The following FREM2 variants were observed in gnomAD, a reference collection of about 807,000 sequenced individuals.
FREM2 encodes the protein FRAS1-related extracellular matrix protein 2.
A neutral mutation model predicts 219.9 loss-of-function variants in FREM2; 119 were observed. The ratio of observed to expected loss-of-function variants is 0.54; its 90% CI spans 0.47 to 0.63. The LOEUF (loss-of-function observed/expected upper bound fraction) is 0.63. Among genes scored for constraint, FREM2 ranks in the 30% least tolerant of loss-of-function variants. FREM2 has a pLI of 0.00. For synonymous variants in FREM2, 1,562 were observed against 1,522.8 expected (o/e 1.03, Z -0.60); for missense variants, 4,030 against 3,993.6 (o/e 1.01, Z -0.25).
At chr13:38,864,103 A>G (rs1241758238) in intron 15 of FREM2, among the ~76,000 whole-genome samples, 172 bp from the exon 16 acceptor site, 1 of 152,034 alleles carries the variant, frequency 6.6e-6, no homozygotes, top group Non-Finnish European at 1.5e-5. Flanking sequence ...TGCCGGGATT[A>G]CAGGCATGAG....
rs1464386844 is a variant in FREM2, at chr13:38,687,511, T to C, written c.167T>C (p.Leu56Pro). Residue 56 changes from leucine (L) to proline (P), a missense_variant, in exon 1 of 24, where the codon CTG becomes CCG. By Grantham distance (98) the Leu-to-Pro change is moderately conservative (BLOSUM62 -3). Transcript: ENST00000280481. ...AQPAAFGRAL[L>P]SPGLAGAAGV... ...CCCGCTGCCTTCGGCAGGGCGTTGC[T>C]GTCCCCTGGTCTCGCGGGGGCTGCA... The C allele has an allele frequency of 1.3e-6, 2 of 1,597,584 alleles. No homozygotes were observed. Among genetic ancestry groups the C allele is most frequent in the Non-Finnish European group, 1.7e-6 (2 of 1,172,632 alleles).
chr13:38,836,427 A>C (rs1258442686), intron 6 of FREM2, among the ~76,000 whole-genome samples: 1 of 152,064 alleles, frequency 6.6e-6, no homozygotes, highest in Non-Finnish European at 1.5e-5. Context: ...TGTCTCTGGC[A>C]GGTTTTGGTA....
chr13:38,854,281 T>A (rs956463991), intron 11 of FREM2, among the ~76,000 whole-genome samples: 3 of 151,980 alleles, frequency 2.0e-5, no homozygotes, highest in Non-Finnish European at 4.4e-5. Flanking sequence ...AAATAAATAT[T>A]TAATTTTTTA....
chr13:38,862,218 G>C (rs914144682), intron 15 of FREM2, among the ~76,000 whole-genome samples: 16 of 152,196 alleles, frequency 1.1e-4, no homozygotes, highest in African/African-American at 3.6e-4. Flanking sequence ...AGCTAAGGGA[G>C]AGGAAATACG....
intron 6 of FREM2, among the ~76,000 whole-genome samples, chr13:38,842,214 A>G (rs928980313): frequency 6.6e-5 from 10 of 152,212 alleles, no homozygotes; most frequent in African/African-American, 2.4e-4. Flanking sequence ...CTTGTAAACC[A>G]TGTTAAGTAG....
chr13:38,848,488 G>T lies in FREM2; in HGVS notation c.6197G>T (p.Arg2066Leu). ...GGAACAGACTATGTGGGCATCAGCC[G>T]TAATTTAGATTTTGCACCTGGAGTC... ...DAGTDYVGISRNLDFAPGVNM... is the reference protein window; with the variant it reads ...DAGTDYVGISLNLDFAPGVNM... Residue 2066 changes from arginine to leucine, a missense_variant, in exon 8 of 24, where the codon CGT (arginine) becomes CTT (leucine). Arg to Leu is a moderately radical substitution (Grantham distance 102). Around this residue, in one of 2 missense-constraint regions of FREM2, gnomAD observed 3,102 missense variants for 2,950.7 expected, o/e 1.05. Transcript: ENST00000280481. The T allele has an allele frequency of 6.2e-7, 1 of 1,613,824 alleles. No homozygotes were observed.
At chr13:38,845,702 A>T (rs983764429) in intron 6 of FREM2, among the ~76,000 whole-genome samples, 1 of 152,196 alleles carries the variant, frequency 6.6e-6, no homozygotes, top group Non-Finnish European at 1.5e-5. Context: ...TAAGATCACA[A>T]ATTAAATCTC....
At chr13:38,751,685 A>G (rs912552992) in intron 2 of FREM2, among the ~76,000 whole-genome samples, 1 of 152,198 alleles carries the variant, frequency 6.6e-6, no homozygotes, top group African/African-American at 2.4e-5. Flanking sequence ...TCCTTACTAG[A>G]GTCTACATTT....
At chr13:38,692,565 T>C (rs1045806953) in intron 1 of FREM2, 48 bp downstream of exon 1, 5 of 1,591,428 alleles carry the variant, frequency 3.1e-6, no homozygotes, top group Non-Finnish European at 4.3e-6. Context: ...CCTGAGAATG[T>C]GGCTTCACTA....
intron 3 of FREM2, among the ~76,000 whole-genome samples, chr13:38,768,923 CA>C (rs760271461): frequency 5.9e-5 from 9 of 152,142 alleles, no homozygotes; most frequent in Non-Finnish European, 1.2e-4. Context: ...GCATACTGCT[CA>C]TAATAACCAT....
At position 38,806,031 on chromosome 13, in the gene FREM2, G is replaced by A. The variant is rs569633685; in HGVS notation, c.6019+21223G>A. On this transcript the variant is annotated intron_variant, in intron 6 of 23. Transcript: ENST00000280481. Reference sequence around the variant, plus strand: ...TTTTTTTTTTGTAATAGTTTCCGGAGAAAGGTTGCAAAATTACAGGATTCA... The same window carrying A: ...TTTTTTTTTTGTAATAGTTTCCGGAAAAAGGTTGCAAAATTACAGGATTCA... Among the ~76,000 whole-genome samples the A allele has an allele frequency of 4.7e-5, 7 of 150,188 alleles. 2 individuals are homozygous for A. The East Asian group carries it at 1.4e-3, about 30-fold the overall frequency.
intron 6 of FREM2, among the ~76,000 whole-genome samples, chr13:38,800,968 C>T (rs971937733): frequency 6.6e-6 from 1 of 152,162 alleles, no homozygotes; most frequent in South Asian, 2.1e-4. Context: ...CTCTCTTTTC[C>T]TGCAGAGACA....
rs984032982 is a variant in FREM2, at chr13:38,858,462, A to G, written c.7215+429A>G. ...TGGTCAGGTGGAATTTTGACTCTTT[A>G]GGATGCAAGTCTGATAAGGGAAGGT... On this transcript the variant is annotated intron_variant, in intron 13 of 23. Coordinates refer to ENST00000280481, the MANE Select transcript of FREM2 (RefSeq NM_207361.6). 5.9e-5 allele frequency among the ~76,000 whole-genome samples: 9 copies of G among 152,326 alleles called. No homozygotes were observed. In the East Asian group the frequency reaches 7.7e-4, roughly 13 times the overall value.
rs748692884 is a variant in FREM2, at chr13:38,872,876, C to T, written c.8118C>T (p.Tyr2706=). The change falls in exon 17 of 24, where the codon TAC becomes TAT. Residue 2706 remains tyrosine, a synonymous_variant. Coordinates refer to ENST00000280481, the MANE Select transcript of FREM2 (RefSeq NM_207361.6). ...CAGAGCTTCGTCTAACTTTTGTGTA[C>T]GACACCGCCATCTTGTGGAATGATG... ...LKSELRLTFV[Y]DTAILWNDGI... 22 of 1,613,862 alleles carry T rather than the reference C, an allele frequency of 1.4e-5. No homozygotes were observed. The highest frequency in any genetic ancestry group is 7.7e-5 in the South Asian group (7 of 91,084).
chr13:38,691,719 A>G lies in FREM2; in HGVS notation c.4375A>G (p.Thr1459Ala). The G allele has an allele frequency of 6.2e-7, 1 of 1,613,640 alleles. No individual in the cohort carries two copies. The highest frequency in any genetic ancestry group is 1.3e-5 in the African/African-American group (1 of 75,034). ...CAGTCCTGATGAAAACTTGGTTTTT[A>G]CCATCACCAGGGCTCCCATGCGAGG... is the stretch of plus-strand genomic sequence containing the variant. ...LNSPDENLVF[T>A]ITRAPMRGHL... The change falls in exon 1 of 24, where the codon ACC becomes GCC. Residue 1459 changes from threonine (T) to alanine (A), a missense_variant. Coordinates refer to ENST00000280481, the MANE Select transcript of FREM2 (RefSeq NM_207361.6).
intron 18 of FREM2, 71 bp from the exon 19 acceptor site, chr13:38,875,951 A>G: frequency 7.3e-7 from 1 of 1,366,324 alleles, no homozygotes; most frequent in Non-Finnish European, 1.0e-6. Context: ...TTATTTTGAA[A>G]ACTCTAAACT....
At chr13:38,729,113 C>G (rs1301742564) in intron 2 of FREM2, among the ~76,000 whole-genome samples, 3 of 152,172 alleles carry the variant, frequency 2.0e-5, no homozygotes, top group Non-Finnish European at 4.4e-5. Context: ...CTTAGAGAGT[C>G]ACAGTAGTCA....
intron 6 of FREM2, among the ~76,000 whole-genome samples, chr13:38,818,408 A>G (rs371660259): frequency 1.3e-5 from 2 of 152,260 alleles, no homozygotes; most frequent in East Asian, 1.9e-4. Flanking sequence ...GGAGGACACC[A>G]TGTTAAGTGA....
intron 2 of FREM2, among the ~76,000 whole-genome samples, chr13:38,718,683 AAG>A (rs143654668): frequency 0.049 from 7,400 of 152,240 alleles, 572 homozygotes; most frequent in African/African-American, 0.17. Flanking sequence ...CTAATATTTT[AAG>A]AGATTATTCT....
Sources: allele counts gnomAD v4.1 joint callset (sites outside exome capture counted in the v4.1 genomes callset), GRCh38; gene constraint gnomAD v4.1.1; regional missense constraint gnomAD v4.1.1; transcripts MANE v1.5; gene names NCBI Gene and HGNC (gene_info 2026-07-23, HGNC 2026-07-21).